GRIK1: variants seen among roughly 807,000 people sequenced by gnomAD.
GRIK1 encodes glutamate receptor ionotropic, kainate 1.
In GRIK1, 69 loss-of-function variants were observed where a neutral mutation model predicts 105.7. That is an observed-to-expected ratio of 0.65 (90% CI 0.54 to 0.80). The LOEUF (loss-of-function observed/expected upper bound fraction) is 0.80. GRIK1 is among the 30% of genes least tolerant of loss of function. The pLI is 0.00. For missense variants in GRIK1, 1,109 were observed against 1,167.3 expected, an observed-to-expected ratio of 0.95 and a Z score of 0.73; for synonymous variants, 438 against 431.3, an observed-to-expected ratio of 1.02 and a Z score of -0.19.
intron 14 of GRIK1, among the ~76,000 whole-genome samples, chr21:29,570,908 A>C (rs1310520813): frequency 6.6e-6 from 1 of 152,088 alleles, no homozygotes; most frequent in Non-Finnish European, 1.5e-5. Flanking sequence ...TTTCACAAGA[A>C]TATGTGGAAT....
intron 1 of GRIK1, among the ~76,000 whole-genome samples, chr21:29,813,949 T>C (rs2067081130): frequency 6.7e-6 from 1 of 148,710 alleles, no homozygotes; most frequent in Admixed American, 6.7e-5. Context: ...AATTTCACTC[T>C]TATTGCCTAG....
chr21:29,541,575 C>CTTTTTTTTTT lies in GRIK1; in HGVS notation c.2608-3701_2608-3692dup, dbSNP rs34910439. 8.7e-3 allele frequency among the ~76,000 whole-genome samples: 838 copies of CTTTTTTTTTT among 95,880 alleles called. 110 individuals carry two copies. Among genetic ancestry groups the CTTTTTTTTTT allele is most frequent in the African/African-American group, 0.033 (695 of 20,896 alleles). The allele number at this position is 95,880 out of a possible 152,430, so 62.9% of individuals were successfully genotyped here. The stretch of plus-strand genomic sequence containing the variant: ...CTATGCCATTCATTGCACTCACGGT[C>CTTTTTTTTTT]TTTTTTTTTTTTTTTTTTTTTGTGG... On this transcript the variant is annotated intron_variant, in intron 16 of 17. Transcript: ENST00000327783.
In GRIK1 at chr21:29,939,403, G is replaced by T; in HGVS notation, c.98C>A (p.Ala33Asp). ...YFLCYILPQT[A>D]PQVLRIGGIF... Reference sequence around the variant, plus strand: ...CTCACCGATCCTGAGTACTTGCGGGGCGGTCTGAGGGAGGATATAGCAGAG... The same window carrying T: ...CTCACCGATCCTGAGTACTTGCGGGTCGGTCTGAGGGAGGATATAGCAGAG... Residue 33 changes from alanine (A) to aspartate (D), a missense_variant, in exon 1 of 18, where the codon GCC becomes GAC. Ala to Asp is a moderately radical substitution (Grantham distance 126, BLOSUM62 -2). Around this residue, in one of 5 missense-constraint regions of GRIK1, gnomAD observed 612 missense variants for 586.0 expected, o/e 1.04. Transcript: ENST00000327783. 1 of 1,552,092 alleles carries T rather than the reference G, an allele frequency of 6.4e-7. No individual in the cohort carries two copies. Among genetic ancestry groups the T allele is most frequent in the Non-Finnish European group, 8.7e-7 (1 of 1,143,654 alleles).
Position 29,689,857 on chromosome 21 carries a change from A to G in GRIK1, c.415T>C (p.Ser139Pro). 1.9e-6 allele frequency: 3 copies of G among 1,614,046 alleles called. No individual in the cohort carries two copies. In the South Asian group the frequency reaches 3.3e-5, roughly 18 times the overall value. ...TAAAACAAATCTTTGTTGTCCACCG[A>G]GGGGTGTTTCCAGCGGGTCTGTATG... ...PHIQTRWKHP[S>P]VDNKDLFYIN... is the part of the protein sequence containing the mutation. The change falls in exon 3 of 18, where the codon TCG becomes CCG. Residue 139 changes from serine (S) to proline (P), a missense_variant. By Grantham distance (74) the Ser-to-Pro change is moderately conservative. Coordinates refer to ENST00000327783, the MANE Select transcript of GRIK1 (RefSeq NM_001330994.2).
intron 1 of GRIK1, among the ~76,000 whole-genome samples, chr21:29,751,405 A>G (rs972260660): frequency 1.3e-5 from 2 of 152,144 alleles, no homozygotes; most frequent in African/African-American, 4.8e-5. Context: ...ATCTGGTAAT[A>G]ATGGTGGCAC....
In GRIK1 at chr21:29,814,428, T is replaced by C. The variant is rs150725641; in HGVS notation, c.119-120365A>G. On this transcript the variant is annotated intron_variant, in intron 1 of 17. Transcript: ENST00000327783. Reference sequence around the variant, plus strand: ...GCTGGGTGCTTGGTGAGCATGCATATGGAGAAGAGATATCCTACTGTTCCC... The same window carrying C: ...GCTGGGTGCTTGGTGAGCATGCATACGGAGAAGAGATATCCTACTGTTCCC... Among the ~76,000 whole-genome samples, 787 of 152,128 alleles carry C rather than the reference T, an allele frequency of 5.2e-3. 33 individuals carry two copies. The highest frequency in any genetic ancestry group is 0.045 in the Admixed American group (690 of 15,252).
intron 1 of GRIK1, among the ~76,000 whole-genome samples, chr21:29,720,777 C>T (rs1166897852): frequency 6.6e-6 from 1 of 152,160 alleles, no homozygotes; most frequent in Non-Finnish European, 1.5e-5. Context: ...ACTCCGTTAA[C>T]ATTACAAGGT....
intron 1 of GRIK1, among the ~76,000 whole-genome samples, chr21:29,817,008 C>T (rs751219531): frequency 3.3e-5 from 5 of 152,058 alleles, no homozygotes; most frequent in Non-Finnish European, 2.9e-5. Context: ...TTGATCATTA[C>T]GTATTGCATG....
chr21:29,596,498 T>G (rs1428439122), intron 9 of GRIK1, 28 bp downstream of exon 9: 13 of 1,523,276 alleles, frequency 8.5e-6, no homozygotes, highest in East Asian at 2.2e-5. Flanking sequence ...ACCCCCAGGT[T>G]TCCTGCAGTT....
intron 1 of GRIK1, among the ~76,000 whole-genome samples, chr21:29,772,324 C>G (rs1174366059): frequency 1.3e-5 from 2 of 152,100 alleles, no homozygotes; most frequent in Admixed American, 6.6e-5. Flanking sequence ...GAAAAAATGA[C>G]TTTAGATAAA....
chr21:29,907,312 G>A (rs2070679051), intron 1 of GRIK1, among the ~76,000 whole-genome samples: 1 of 152,020 alleles, frequency 6.6e-6, no homozygotes, highest in African/African-American at 2.4e-5. Flanking sequence ...AAACTCAAGT[G>A]TGTGCCATAC....
intron 1 of GRIK1, among the ~76,000 whole-genome samples, chr21:29,740,797 C>T (rs1048859674): frequency 1.3e-5 from 2 of 152,200 alleles, no homozygotes; most frequent in Non-Finnish European, 2.9e-5. Context: ...TTACCAATCA[C>T]AGGGGAGTCA....
chr21:29,938,983 G>C (rs1289176736), intron 1 of GRIK1, among the ~76,000 whole-genome samples: 1 of 152,260 alleles, frequency 6.6e-6, no homozygotes, highest in African/African-American at 2.4e-5. Context: ...AGGTTGCCAG[G>C]CACCGGGACT....
intron 1 of GRIK1, among the ~76,000 whole-genome samples, chr21:29,849,628 A>T (rs2068242914): frequency 6.6e-6 from 1 of 152,190 alleles, no homozygotes; most frequent in Non-Finnish European, 1.5e-5. Flanking sequence ...TGTTCCTCTT[A>T]ACCACCAAAG....
intron 1 of GRIK1, among the ~76,000 whole-genome samples, chr21:29,759,643 A>G (rs2065457434): frequency 6.6e-6 from 1 of 152,242 alleles, no homozygotes; most frequent in Non-Finnish European, 1.5e-5. Context: ...GGAGAACAGA[A>G]GTCAGAAACC....
rs145413707 is a variant in GRIK1 at position 29,758,281 on chromosome 21, A to G, written c.119-64218T>C. Among the ~76,000 whole-genome samples, 1,398 of 152,340 alleles carry G rather than the reference A, an allele frequency of 9.2e-3. 20 individuals carry two copies. Among genetic ancestry groups the G allele is most frequent in the African/African-American group, 0.032 (1,336 of 41,576 alleles). On this transcript the variant is annotated intron_variant, in intron 1 of 17. Coordinates refer to ENST00000327783, the MANE Select transcript of GRIK1 (RefSeq NM_001330994.2). ...AATAAAGACATACTCGAGACTGGGT[A>G]ATTTATAAAGAAAAGAGGTTTAATG...
chr21:29,702,309 A>T (rs538365517), intron 1 of GRIK1, among the ~76,000 whole-genome samples: 94 of 151,982 alleles, frequency 6.2e-4, no homozygotes, highest in African/African-American at 1.7e-3. Context: ...AGTTTTTTTT[A>T]AAAAAAAGTC....
intron 6 of GRIK1, among the ~76,000 whole-genome samples, chr21:29,648,532 T>G (rs1241985863): frequency 6.6e-6 from 1 of 152,058 alleles, no homozygotes; most frequent in Non-Finnish European, 1.5e-5. Context: ...CATTAATTTC[T>G]TTATTAAATA....
intron 1 of GRIK1, among the ~76,000 whole-genome samples, chr21:29,750,145 C>T (rs775020373): frequency 6.6e-5 from 10 of 151,614 alleles, no homozygotes; most frequent in South Asian, 2.1e-4. Context: ...CATCTTTTTG[C>T]GGCAATTAAA....
Sources: gnomAD v4.1 joint callset for allele counts (sites outside exome capture counted in the v4.1 genomes callset) on GRCh38, gnomAD v4.1.1 for gene constraint, gnomAD v4.1.1 regional missense constraint, MANE v1.5 for transcripts, NCBI Gene and HGNC (gene_info 2026-07-23, HGNC 2026-07-21) for gene names.